ABCG5: variants seen among roughly 807,000 people sequenced by gnomAD.
The protein encoded by ABCG5 is ATP-binding cassette sub-family G member 5.
In ABCG5, 64 loss-of-function variants were observed where a neutral mutation model predicts 64.5. The observed-to-expected ratio is 0.99, with a 90% CI of 0.81 to 1.22. ABCG5 has a LOEUF of 1.22. Among genes scored for constraint, ABCG5 ranks in the 50% most tolerant of loss-of-function variants. ABCG5 has a pLI of 0.00. For missense variants in ABCG5, 908 were observed against 829.5 expected, an observed-to-expected ratio of 1.09 and a Z score of -1.16; for synonymous variants, 385 against 326.3, an observed-to-expected ratio of 1.18 and a Z score of -1.94.
At chr2:43,831,724 C>T (rs1667955750) in intron 4 of ABCG5, 45 bp downstream of exon 4, 4 of 1,526,616 alleles carry the variant, frequency 2.6e-6, no homozygotes, top group East Asian at 2.4e-5. Flanking sequence ...GCGGGGGGTG[C>T]AAAGGTACTC....
chr2:43,809,740 T>C (rs1666414608), downstream of ABCG5: 1 of 1,612,142 alleles, frequency 6.2e-7, no homozygotes, highest in African/African-American at 1.3e-5. Flanking sequence ...CTTCCAAGTC[T>C]TGGAAACAAA....
In ABCG5 at chr2:43,832,105, C is replaced by A. The variant is rs950923337; in HGVS notation, c.266-22G>T. 4 of 1,569,264 alleles carry A rather than the reference C, an allele frequency of 2.5e-6. No homozygotes were observed. In the African/African-American group the frequency reaches 5.4e-5, roughly 21 times the overall value. ...GAGCCTGCGGGGCGACAACAGAAGG[C>A]CCTAGAGGAACCACTCTGTGCCGGC... On this transcript the variant is annotated intron_variant, in intron 2 of 12. Transcript: ENST00000405322.
At chr2:43,829,847 C>A (rs1450655877) in intron 4 of ABCG5, among the ~76,000 whole-genome samples, 2 of 152,118 alleles carry the variant, frequency 1.3e-5, no homozygotes, top group Non-Finnish European at 2.9e-5. Context: ...CAAGAGGAGT[C>A]AGGGAGTGGG....
chr2:43,822,975 C>T, intron 9 of ABCG5, 40 bp from the exon 10 acceptor site: 4 of 1,610,930 alleles, frequency 2.5e-6, no homozygotes, highest in Non-Finnish European at 3.4e-6. Flanking sequence ...TCAGTCACCA[C>T]CCAGCTGAAA....
intron 12 of ABCG5, 135 bp from the exon 13 acceptor site, chr2:43,813,444 T>C (rs896470981): frequency 5.7e-5 from 41 of 714,290 alleles, no homozygotes; most frequent in Non-Finnish European, 9.3e-5. Context: ...GTTTACAATT[T>C]GATGAAGCAA....
chr2:43,828,972 ATAAT>A (rs1667802784), intron 4 of ABCG5, among the ~76,000 whole-genome samples: 2 of 151,632 alleles, frequency 1.3e-5, no homozygotes, highest in Non-Finnish European at 2.9e-5. Flanking sequence ...TTCAAAAAAA[ATAAT>A]AATAAATAAA....
intron 2 of ABCG5, among the ~76,000 whole-genome samples, chr2:43,835,124 A>G (rs1388360085): frequency 6.6e-6 from 1 of 152,162 alleles, no homozygotes. Context: ...TTTCAGTATA[A>G]AGTGTAGGCA....
intron 2 of ABCG5, among the ~76,000 whole-genome samples, chr2:43,833,684 CTTTA>C (rs1266273791): frequency 4.7e-5 from 7 of 148,188 alleles, no homozygotes; most frequent in African/African-American, 1.2e-4. Context: ...GGGCCCAGCC[CTTTA>C]TTTATTTATT....
chr2:43,824,347 C>A lies in ABCG5; in HGVS notation c.990G>T (p.Lys330Asn), dbSNP rs1339151172. ...KRVQMIESAY[K>N]KSAICHKTLK... ...AAGTTTTATGACAAATTGCTGATTT[C>A]TTGTAGGCAGATTCTATCATCTGGA... Residue 330 changes from lysine to asparagine, a missense_variant, in exon 8 of 13, where the codon AAG (lysine) becomes AAT (asparagine). Coordinates refer to ENST00000405322, the MANE Select transcript of ABCG5 (RefSeq NM_022436.3). 1 of 1,614,128 alleles carries A rather than the reference C, an allele frequency of 6.2e-7. No homozygotes were observed. Among genetic ancestry groups the A allele is most frequent in the South Asian group, 1.1e-5 (1 of 91,074 alleles).
rs116805212 is a variant in ABCG5, at chr2:43,820,283, A to G, written c.1464-183T>C. Among the ~76,000 whole-genome samples the G allele has an allele frequency of 8.8e-3, 1,337 of 152,286 alleles. 23 individuals are homozygous for G. Among genetic ancestry groups the G allele is most frequent in the African/African-American group, 0.031 (1,283 of 41,548 alleles). On this transcript the variant is annotated intron_variant, in intron 10 of 12. Transcript: ENST00000405322. ...CAACATGAGACTATTTATTATATCAAATTGTTCCCATTGGCTGCAACTCAT... is the reference window on the plus strand; with the variant it reads ...CAACATGAGACTATTTATTATATCAGATTGTTCCCATTGGCTGCAACTCAT...
chr2:43,808,132 C>T (rs1267652644), downstream of ABCG5, among the ~76,000 whole-genome samples: 1 of 151,988 alleles, frequency 6.6e-6, no homozygotes, highest in African/African-American at 2.4e-5. Flanking sequence ...ATGAGTTAAT[C>T]TTTAAAACCG....
chr2:43,829,905 C>A (rs1282828149), intron 4 of ABCG5, among the ~76,000 whole-genome samples: 1 of 152,132 alleles, frequency 6.6e-6, no homozygotes, highest in Non-Finnish European at 1.5e-5. Context: ...ATGGACATAT[C>A]TGAAATAGGT....
At chr2:43,827,926 G>C (rs1044866452) in intron 5 of ABCG5, 57 bp downstream of exon 5, 6 of 1,608,706 alleles carry the variant, frequency 3.7e-6, no homozygotes, top group Non-Finnish European at 5.1e-6. Flanking sequence ...CAAAGTATCT[G>C]CACACACACA....
intron 11 of ABCG5, among the ~76,000 whole-genome samples, chr2:43,816,045 G>A (rs1447831808): frequency 6.6e-6 from 1 of 152,098 alleles, no homozygotes; most frequent in African/African-American, 2.4e-5. Flanking sequence ...TAGGAACTGT[G>A]AACCTTTGTT....
rs754363595 is a variant in ABCG5, at chr2:43,813,225, G to T, written c.1847C>A (p.Ala616Glu). 6.2e-7 allele frequency: 1 copy of T among 1,612,972 alleles called. No homozygotes were observed. Among genetic ancestry groups the T allele is most frequent in the Non-Finnish European group, 8.5e-7 (1 of 1,179,030 alleles). Reference protein sequence around the residue: ...IQFIEKTCPGATSRFTMNFLI... With the variant: ...IQFIEKTCPGETSRFTMNFLI... ...AAAGTTCATTGTGAATCTAGATGTT[G>T]CACCTGGGCAGGTTTTCTCAATGAA... Residue 616 changes from alanine to glutamate, a missense_variant, in exon 13 of 13, where the codon GCA (alanine) becomes GAA (glutamate). Coordinates refer to ENST00000405322, the MANE Select transcript of ABCG5 (RefSeq NM_022436.3).
downstream of ABCG5, chr2:43,809,910 C>A (rs1017696456): frequency 1.4e-6 from 2 of 1,414,864 alleles, no homozygotes; most frequent in Admixed American, 6.3e-5. Context: ...TGGACTAGTG[C>A]ATCTCCCTGT....
At chr2:43,814,631 G>T (rs764226065) in intron 11 of ABCG5, 42 bp from the exon 12 acceptor site, 3 of 1,151,136 alleles carry the variant, frequency 2.6e-6, no homozygotes, top group East Asian at 4.7e-5. Flanking sequence ...GTAGGCTCTG[G>T]CAATAGTCCT....
upstream of ABCG5, chr2:43,839,103 C>A (rs1668464811): frequency 2.6e-6 from 4 of 1,551,268 alleles, no homozygotes; most frequent in Non-Finnish European, 3.5e-6. Context: ...GGGGCCACTC[C>A]CCAGGATACC....
At chr2:43,809,953 T>G (rs957959276), downstream of ABCG5, 2 of 1,322,460 alleles carry the variant, frequency 1.5e-6, no homozygotes, top group Non-Finnish European at 1.9e-6. Context: ...GAAAAATTAT[T>G]GTAGAACCAC....
Sources: allele counts gnomAD v4.1 joint callset (sites outside exome capture counted in the v4.1 genomes callset), GRCh38; gene constraint gnomAD v4.1.1; transcripts MANE v1.5; gene names NCBI Gene and HGNC (gene_info 2026-07-23, HGNC 2026-07-21).